The following FER variants were observed in gnomAD, a reference collection of about 807,000 sequenced individuals.
The protein encoded by FER is tyrosine-protein kinase Fer.
A neutral mutation model predicts 111.0 loss-of-function variants in FER; 63 were observed. The ratio of observed to expected loss-of-function variants is 0.57; its 90% CI spans 0.46 to 0.70. FER has a LOEUF of 0.70. Among genes scored for constraint, FER ranks in the 30% least tolerant of loss-of-function variants. FER has a pLI of 0.00. For missense variants in FER, 914 were observed against 954.0 expected (o/e 0.96, Z 0.55); for synonymous variants, 327 against 313.9 (o/e 1.04, Z -0.44).
At chr5:109,171,124 A>C (rs968287919) in intron 17 of FER, among the ~76,000 whole-genome samples, 23 of 152,170 alleles carry the variant, frequency 1.5e-4, no homozygotes, top group African/African-American at 5.1e-4. Context: ...AACATTGTCA[A>C]ATTCTTAGTA....
Position 108,954,900 on chromosome 5 carries a change from C to CAG in FER, c.1504_1505dup (p.Arg503GlyfsTer27). On this transcript the variant is annotated frameshift_variant, in exon 12 of 20. Coordinates refer to ENST00000281092, the MANE Select transcript of FER (RefSeq NM_005246.4). LOFTEE classifies it high-confidence loss of function. ...TGTCCTTTCTGTATATTCTGATGGACAGAGGAGACATTTTATCATACAATA... is the reference window on the plus strand; with the variant it reads ...TGTCCTTTCTGTATATTCTGATGGACAGAGAGGAGACATTTTATCATACAATA... 6.2e-7 allele frequency: 1 copy of CAG among 1,609,978 alleles called. No homozygotes were observed. Among genetic ancestry groups the CAG allele is most frequent in the Middle Eastern group, 2.1e-4 (1 of 4,714 alleles).
intron 5 of FER, 123 bp from the exon 6 acceptor site, chr5:108,867,644 A>T (rs1237271489): frequency 7.4e-6 from 7 of 940,956 alleles, no homozygotes; most frequent in African/African-American, 1.7e-5. Flanking sequence ...GTTCAATAAA[A>T]TTTTTTTGTT....
chr5:109,044,916 A>G, intron 15 of FER, 121 bp downstream of exon 15: 1 of 522,328 alleles, frequency 1.9e-6, no homozygotes, highest in Non-Finnish European at 3.3e-6. Flanking sequence ...CTTTTACAGT[A>G]TGGAATCCAA....
intron 2 of FER, among the ~76,000 whole-genome samples, chr5:108,773,554 C>T (rs1580452266): frequency 1.3e-5 from 2 of 152,238 alleles, no homozygotes; most frequent in South Asian, 4.2e-4. Context: ...GCATAGTATT[C>T]CATGGTATAT....
intron 13 of FER, among the ~76,000 whole-genome samples, chr5:108,981,721 A>G (rs549835105): frequency 2.6e-5 from 4 of 152,200 alleles, no homozygotes; most frequent in African/African-American, 4.8e-5. Context: ...TCCTAGTTTT[A>G]TGGATGAGGA....
chr5:109,171,891 C>T (rs981124726), intron 17 of FER, among the ~76,000 whole-genome samples: 5 of 152,180 alleles, frequency 3.3e-5, no homozygotes, highest in Non-Finnish European at 7.3e-5. Flanking sequence ...ATATGTTCAT[C>T]ATCACTGGCC....
rs772264858 is a variant in FER at position 108,993,634 on chromosome 5, T to TGAGGGC, written c.1656+34311_1656+34316dup. On this transcript the variant is annotated intron_variant, in intron 13 of 19. Transcript: ENST00000281092. ...GAGAGGGCAAGGGCGAGGGCGAGGG[T>TGAGGGC]GAGGGCGAGGGCGAGGGCGAGGGCG... Among the ~76,000 whole-genome samples, 496 of 105,304 alleles carry TGAGGGC rather than the reference T, an allele frequency of 4.7e-3. 2 individuals carry two copies. The highest frequency in any genetic ancestry group is 0.014 in the Middle Eastern group (3 of 214). The allele number at this position is 105,304 out of a possible 152,430, so 69.1% of individuals were successfully genotyped here.
intron 17 of FER, among the ~76,000 whole-genome samples, chr5:109,128,623 T>C (rs1041754390): frequency 2.0e-5 from 3 of 152,138 alleles, no homozygotes; most frequent in African/African-American, 7.2e-5. Context: ...GAATGGGGAT[T>C]GTATTAAGAT....
intron 5 of FER, among the ~76,000 whole-genome samples, chr5:108,863,384 G>A (rs1018865016): frequency 4.6e-5 from 7 of 152,182 alleles, no homozygotes; most frequent in African/African-American, 9.6e-5. Flanking sequence ...GCCTCTGAAA[G>A]TGTTGGGATT....
At chr5:108,851,388 A>G (rs1762529575) in intron 5 of FER, among the ~76,000 whole-genome samples, 1 of 152,172 alleles carries the variant, frequency 6.6e-6, no homozygotes, top group Non-Finnish European at 1.5e-5. Context: ...GCCATGGGAA[A>G]GACCTGCCGC....
intron 13 of FER, among the ~76,000 whole-genome samples, chr5:108,981,746 G>T (rs1357850521): frequency 6.6e-6 from 1 of 152,080 alleles, no homozygotes; most frequent in Non-Finnish European, 1.5e-5. Context: ...GAGGCACAGA[G>T]AAGTTACATA....
intron 16 of FER, among the ~76,000 whole-genome samples, chr5:109,075,797 ATAGT>A (rs1430550411): frequency 6.6e-6 from 1 of 152,188 alleles, no homozygotes; most frequent in African/African-American, 2.4e-5. Context: ...GAAGCTAATC[ATAGT>A]TAGAGCTTGC....
intron 17 of FER, among the ~76,000 whole-genome samples, chr5:109,146,634 TA>T (rs1267346212): frequency 6.6e-6 from 1 of 152,068 alleles, no homozygotes; most frequent in African/African-American, 2.4e-5. Flanking sequence ...GAAGTACCTA[TA>T]AGACATCATA....
intron 17 of FER, among the ~76,000 whole-genome samples, chr5:109,172,854 T>G (rs184743575): frequency 6.6e-6 from 1 of 152,146 alleles, no homozygotes; most frequent in Non-Finnish European, 1.5e-5. Flanking sequence ...AGCAGAAATA[T>G]TGACTGAGAG....
intron 3 of FER, among the ~76,000 whole-genome samples, chr5:108,810,143 C>G (rs1444789059): frequency 6.6e-6 from 1 of 151,884 alleles, no homozygotes; most frequent in Non-Finnish European, 1.5e-5. Context: ...GGTAGTATGT[C>G]TATAGAGAAT....
At chr5:109,131,743 G>A (rs1407719822) in intron 17 of FER, among the ~76,000 whole-genome samples, 2 of 151,962 alleles carry the variant, frequency 1.3e-5, no homozygotes, top group African/African-American at 4.8e-5. Context: ...ATGCCATTAT[G>A]GTATTTGTTG....
chr5:109,164,772 C>A (rs1263006489), intron 17 of FER, among the ~76,000 whole-genome samples: 2 of 152,148 alleles, frequency 1.3e-5, no homozygotes, highest in African/African-American at 4.8e-5. Context: ...TTGCCTTTTA[C>A]ATCCTAATCC....
At chr5:109,052,737 G>T (rs1211973567) in intron 16 of FER, among the ~76,000 whole-genome samples, 3 of 152,194 alleles carry the variant, frequency 2.0e-5, no homozygotes, top group East Asian at 3.8e-4. Flanking sequence ...AACTGTACAT[G>T]ATAGAACATA....
At chr5:108,922,770 A>G (rs145450039) in intron 10 of FER, among the ~76,000 whole-genome samples, 3 of 152,236 alleles carry the variant, frequency 2.0e-5, no homozygotes, top group Non-Finnish European at 2.9e-5. Flanking sequence ...CTGGGAAACT[A>G]TACGCATTGT....
Sources: gnomAD v4.1 joint callset for allele counts (sites outside exome capture counted in the v4.1 genomes callset) on GRCh38, gnomAD v4.1.1 for gene constraint, MANE v1.5 for transcripts, NCBI Gene and HGNC (gene_info 2026-07-23, HGNC 2026-07-21) for gene names.